Variants in NXPH1 observed in about 807,000 individuals in gnomAD.
NXPH1 encodes the protein neurexophilin-1.
A neutral mutation model predicts 23.7 loss-of-function variants in NXPH1; 5 were observed. That is an observed-to-expected ratio of 0.21 (90% CI 0.11 to 0.44). The LOEUF is 0.44. Among genes scored for constraint, NXPH1 ranks in the 20% least tolerant of loss-of-function variants. NXPH1 has a pLI of 0.99. For synonymous variants in NXPH1, 144 were observed against 122.2 expected (o/e 1.18, Z -1.18); for missense variants, 324 against 321.6 (o/e 1.01, Z -0.06).
chr7:8,737,062 T>C (rs535782212), intron 2 of NXPH1, among the ~76,000 whole-genome samples: 2 of 152,092 alleles, frequency 1.3e-5, no homozygotes, highest in Non-Finnish European at 2.9e-5. Flanking sequence ...ATACAGCAGA[T>C]CGATGAGTCT....
intron 2 of NXPH1, among the ~76,000 whole-genome samples, chr7:8,453,458 T>C (rs1816540662): frequency 6.6e-6 from 1 of 152,146 alleles, no homozygotes; most frequent in Non-Finnish European, 1.5e-5. Flanking sequence ...AACTGTGGCA[T>C]TTTGCAGTGG....
intron 2 of NXPH1, among the ~76,000 whole-genome samples, chr7:8,524,142 C>T (rs778574544): frequency 8.3e-5 from 12 of 144,172 alleles, no homozygotes; most frequent in Non-Finnish European, 1.3e-4. Flanking sequence ...CTCAGGAGGT[C>T]GAGGCAGGAG....
At chr7:8,577,113 A>T (rs6463824) in intron 2 of NXPH1, among the ~76,000 whole-genome samples, 57,670 of 152,018 alleles carry the variant, frequency 0.38, 13,084 homozygotes, top group African/African-American at 0.65. Flanking sequence ...CTAAAAGCTC[A>T]AATCCTCCCT....
At chr7:8,628,607 G>A (rs1820050018) in intron 2 of NXPH1, among the ~76,000 whole-genome samples, 1 of 151,742 alleles carries the variant, frequency 6.6e-6, no homozygotes, top group Admixed American at 6.6e-5. Context: ...AAAGAACTGG[G>A]GGGTATGAAA....
chr7:8,733,491 C>T (rs1780193627), intron 2 of NXPH1, among the ~76,000 whole-genome samples: 1 of 152,154 alleles, frequency 6.6e-6, no homozygotes, highest in South Asian at 2.1e-4. Context: ...ATTTACACTC[C>T]CACCAACACT....
rs568134178 is a variant in NXPH1, at chr7:8,661,668, C to T, written c.55-89340C>T. On this transcript the variant is annotated intron_variant, in intron 2 of 2. Transcript: ENST00000405863. ...AACAAAGAAAAAACAAAAATGTAAGCGAAATTTATGACTTTGGTTCAATTA... is the reference window on the plus strand; with the variant it reads ...AACAAAGAAAAAACAAAAATGTAAGTGAAATTTATGACTTTGGTTCAATTA... 3.2e-4 allele frequency among the ~76,000 whole-genome samples: 49 copies of T among 152,038 alleles called. No individual in the cohort carries two copies. In the South Asian group the frequency reaches 6.2e-3, roughly 19 times the overall value.
chr7:8,686,567 T>C (rs1383454349), intron 2 of NXPH1, among the ~76,000 whole-genome samples: 1 of 152,142 alleles, frequency 6.6e-6, no homozygotes. Context: ...AAGTATAGTT[T>C]CTTTAAGTAA....
At chr7:8,463,098 A>G (rs1006254245) in intron 2 of NXPH1, among the ~76,000 whole-genome samples, 2 of 152,190 alleles carry the variant, frequency 1.3e-5, no homozygotes, top group African/African-American at 4.8e-5. Flanking sequence ...AATATAATTC[A>G]TAAGTTTAGG....
At chr7:8,516,651 A>T (rs1817692444) in intron 2 of NXPH1, among the ~76,000 whole-genome samples, 1 of 152,104 alleles carries the variant, frequency 6.6e-6, no homozygotes, top group African/African-American at 2.4e-5. Context: ...TGCTTCATCT[A>T]AGTTATTCTT....
intron 2 of NXPH1, among the ~76,000 whole-genome samples, chr7:8,498,821 G>C (rs17404592): frequency 0.074 from 11,297 of 152,096 alleles, 468 homozygotes; most frequent in South Asian, 0.09. Flanking sequence ...ATAAGATTTA[G>C]ACCTAGGAAA....
In NXPH1 at chr7:8,435,478, T is replaced by G. The variant is rs1388128411; in HGVS notation, c.-110-126T>G. The G allele has an allele frequency of 2.6e-5, 15 of 566,978 alleles. No homozygotes were observed. The highest frequency in any genetic ancestry group is 4.4e-5 in the Non-Finnish European group (14 of 319,414). The allele number at this position is 566,978 out of a possible 1,614,324, so 35.1% of individuals were successfully genotyped here. A position where few individuals can be genotyped will look rare whatever the true frequency, so the allele number is the denominator to read the frequency against. ...CGCTGGATTTACTCGCTTTTCAATTTTTCGTACCCTCCCTCCCTTTTTTTT... is the reference window on the plus strand; with the variant it reads ...CGCTGGATTTACTCGCTTTTCAATTGTTCGTACCCTCCCTCCCTTTTTTTT... On this transcript the variant is annotated intron_variant, in intron 1 of 2. Transcript: ENST00000405863. This position sits in a 1 kb window ranked among gnomAD's most constrained non-coding sequence, Gnocchi z 5.9.
At position 8,483,923 on chromosome 7, in the gene NXPH1, G is replaced by A. The variant is rs114730920; in HGVS notation, c.54+48156G>A. Among the ~76,000 whole-genome samples the A allele has an allele frequency of 5.5e-3, 818 of 148,936 alleles. 8 individuals are homozygous for A. The highest frequency in any genetic ancestry group is 0.02 in the African/African-American group (792 of 39,428). ...ACTGGAAATTTATGGCCATTCCTAT[G>A]CAAGCACAGCTAGCAACTAGAATAA... On this transcript the variant is annotated intron_variant, in intron 2 of 2. Transcript: ENST00000405863.
chr7:8,651,880 T>C (rs1164355279), intron 2 of NXPH1, among the ~76,000 whole-genome samples: 3 of 152,212 alleles, frequency 2.0e-5, no homozygotes, highest in Non-Finnish European at 4.4e-5. Context: ...CTTTTTTGTG[T>C]AGTCTATTAA....
intron 2 of NXPH1, among the ~76,000 whole-genome samples, chr7:8,711,015 A>G (rs1562461992): frequency 6.6e-6 from 1 of 152,164 alleles, no homozygotes; most frequent in Non-Finnish European, 1.5e-5. Context: ...AGTAGATTTT[A>G]TTTCCTACAT....
chr7:8,673,929 A>G (rs1820909695), intron 2 of NXPH1, among the ~76,000 whole-genome samples: 1 of 152,226 alleles, frequency 6.6e-6, no homozygotes, highest in African/African-American at 2.4e-5. Context: ...GGGGATCAAT[A>G]TTATCAGTAT....
At chr7:8,490,040 G>A (rs1033965044) in intron 2 of NXPH1, among the ~76,000 whole-genome samples, 1 of 152,048 alleles carries the variant, frequency 6.6e-6, no homozygotes, top group Non-Finnish European at 1.5e-5. Context: ...GTATTCCTGA[G>A]TCCCAGCCTT....
intron 2 of NXPH1, among the ~76,000 whole-genome samples, chr7:8,630,548 C>T (rs1319613871): frequency 1.3e-5 from 2 of 152,064 alleles, no homozygotes; most frequent in African/African-American, 4.8e-5. Flanking sequence ...AAATGTTCTA[C>T]AAGCATATAC....
At chr7:8,745,235 A>C (rs532559491) in intron 2 of NXPH1, among the ~76,000 whole-genome samples, 1 of 152,268 alleles carries the variant, frequency 6.6e-6, no homozygotes, top group South Asian at 2.1e-4. Flanking sequence ...GTGTATAATT[A>C]TGGTGTACAG....
chr7:8,447,991 C>T (rs2066916), intron 2 of NXPH1, among the ~76,000 whole-genome samples: 1 of 152,000 alleles, frequency 6.6e-6, no homozygotes, highest in Admixed American at 6.5e-5. Context: ...CTGGCCATAA[C>T]AGAGAGCAAA....
Sources: gnomAD v4.1 joint callset for allele counts (sites outside exome capture counted in the v4.1 genomes callset) on GRCh38, gnomAD v4.1.1 for gene constraint, Gnocchi (gnomAD v3.1) non-coding constraint, MANE v1.5 for transcripts, NCBI Gene and HGNC (gene_info 2026-07-23, HGNC 2026-07-21) for gene names.